SGCZ: variants seen among roughly 807,000 people sequenced by gnomAD.
The protein encoded by SGCZ is zeta-sarcoglycan.
Under a neutral mutation model 41.3 loss-of-function variants are expected in SGCZ, and 40 were observed. The observed-to-expected ratio is 0.97, with a 90% CI of 0.75 to 1.26. The LOEUF is 1.26. Among genes scored for constraint, SGCZ ranks in the 50% most tolerant of loss-of-function variants. SGCZ has a pLI of 0.00. For synonymous variants in SGCZ, 206 were observed against 137.5 expected, an observed-to-expected ratio of 1.50 and a Z score of -3.49; for missense variants, 552 against 369.8, an observed-to-expected ratio of 1.49 and a Z score of -4.04.
intron 3 of SGCZ, among the ~76,000 whole-genome samples, chr8:14,302,300 T>A (rs545963195): frequency 3.9e-5 from 6 of 152,346 alleles, no homozygotes; most frequent in African/African-American, 1.4e-4. Context: ...TTGAATTGAT[T>A]GAACACGTAA....
At chr8:14,276,376 G>A (rs1164246253) in intron 3 of SGCZ, among the ~76,000 whole-genome samples, 3 of 152,130 alleles carry the variant, frequency 2.0e-5, no homozygotes, top group Non-Finnish European at 4.4e-5. Context: ...GACTGAAACA[G>A]AGCAGACATT....
rs77570677 is a variant in SGCZ at position 14,894,710 on chromosome 8, T to C, written c.40-339784A>G. ...GTCAAATGAAATAAAAGCTTTGTTG[T>C]CTTTAGAAACTACTTCAGGTAAAAA... On this transcript the variant is annotated intron_variant, in intron 1 of 7. Coordinates refer to ENST00000382080, the MANE Select transcript of SGCZ (RefSeq NM_139167.4). Among the ~76,000 whole-genome samples the C allele has an allele frequency of 2.6e-3, 389 of 152,322 alleles. 2 individuals are homozygous for C. Among genetic ancestry groups the C allele is most frequent in the African/African-American group, 9.0e-3 (373 of 41,586 alleles).
intron 1 of SGCZ, among the ~76,000 whole-genome samples, chr8:14,646,527 A>G (rs73188140): frequency 6.6e-6 from 1 of 151,880 alleles, no homozygotes; most frequent in African/African-American, 2.4e-5. Flanking sequence ...ACATACAAGA[A>G]CATGTCTCCT....
At chr8:14,542,607 A>C (rs1803503982) in intron 2 of SGCZ, among the ~76,000 whole-genome samples, 1 of 152,128 alleles carries the variant, frequency 6.6e-6, no homozygotes, top group South Asian at 2.1e-4. Context: ...AACTAGGGGC[A>C]GTAAGGAAAT....
intron 1 of SGCZ, among the ~76,000 whole-genome samples, chr8:15,009,875 T>C (rs1182927342): frequency 6.6e-6 from 1 of 152,220 alleles, no homozygotes; most frequent in Non-Finnish European, 1.5e-5. Flanking sequence ...ATTTCCTCTG[T>C]AGCAAATTTA....
At chr8:14,172,664 T>A (rs2117003460) in intron 4 of SGCZ, among the ~76,000 whole-genome samples, 1 of 152,152 alleles carries the variant, frequency 6.6e-6, no homozygotes, top group East Asian at 1.9e-4. Context: ...CCACATTCAT[T>A]ACATCGTTTT....
At chr8:14,238,344 G>A (rs762350486) in intron 3 of SGCZ, among the ~76,000 whole-genome samples, 1 of 152,112 alleles carries the variant, frequency 6.6e-6, no homozygotes, top group East Asian at 1.9e-4. Flanking sequence ...ATGAAGTGTT[G>A]ACTGAGTAGA....
At chr8:15,014,676 T>G (rs1476561156) in intron 1 of SGCZ, among the ~76,000 whole-genome samples, 1 of 152,182 alleles carries the variant, frequency 6.6e-6, no homozygotes, top group Admixed American at 6.5e-5. Context: ...GAGAGCCATA[T>G]GGCTAGTCCT....
At chr8:14,425,168 G>C (rs1264503634) in intron 2 of SGCZ, among the ~76,000 whole-genome samples, 1 of 151,974 alleles carries the variant, frequency 6.6e-6, no homozygotes, top group African/African-American at 2.4e-5. Flanking sequence ...AGCACTCCAG[G>C]GTTTCATGAA....
chr8:15,061,506 A>G (rs1804928586), intron 1 of SGCZ, among the ~76,000 whole-genome samples: 1 of 150,800 alleles, frequency 6.6e-6, no homozygotes, highest in Non-Finnish European at 1.5e-5. Context: ...CGTTCTGCAC[A>G]TGTATCCCAG....
At chr8:14,164,409 T>TAAAACC (rs376535071) in intron 5 of SGCZ, among the ~76,000 whole-genome samples, 171 bp downstream of exon 5, 104 of 152,310 alleles carry the variant, frequency 6.8e-4, no homozygotes, top group African/African-American at 2.4e-3. Context: ...CATTCTTTTC[T>TAAAACC]ACAACCACAA....
chr8:14,280,435 G>T (rs1360640547), intron 3 of SGCZ, among the ~76,000 whole-genome samples: 1 of 151,650 alleles, frequency 6.6e-6, no homozygotes, highest in African/African-American at 2.4e-5. Context: ...CCTTTTAAAA[G>T]GAAGAAATAT....
chr8:14,367,487 C>T (rs1309288669), intron 2 of SGCZ, among the ~76,000 whole-genome samples: 1 of 151,972 alleles, frequency 6.6e-6, no homozygotes, highest in East Asian at 1.9e-4. Context: ...CTCTTGCTGC[C>T]ATGAAGAATA....
At chr8:15,070,899 G>A (rs1163003000) in intron 1 of SGCZ, among the ~76,000 whole-genome samples, 1 of 152,126 alleles carries the variant, frequency 6.6e-6, no homozygotes, top group African/African-American at 2.4e-5. Context: ...CACTTAGCCA[G>A]AAGTCCTCAG....
At chr8:14,801,059 ATGAC>A (rs1801306068) in intron 1 of SGCZ, among the ~76,000 whole-genome samples, 1 of 152,226 alleles carries the variant, frequency 6.6e-6, no homozygotes, top group South Asian at 2.1e-4. Flanking sequence ...ATTATATTGA[ATGAC>A]TGATAAGTTA....
intron 1 of SGCZ, among the ~76,000 whole-genome samples, chr8:14,803,888 G>A (rs948537317): frequency 3.4e-5 from 3 of 88,272 alleles, no homozygotes; most frequent in African/African-American, 1.6e-4. Context: ...ATCTGAGAAC[G>A]GGCAGACTGC....
intron 1 of SGCZ, among the ~76,000 whole-genome samples, chr8:14,779,556 C>T (rs1356835422): frequency 6.6e-6 from 1 of 152,072 alleles, no homozygotes; most frequent in Admixed American, 6.6e-5. Flanking sequence ...TTGCTTTAAG[C>T]CACTACGTTT....
At chr8:15,168,908 G>A (rs187152298) in intron 1 of SGCZ, among the ~76,000 whole-genome samples, 1 of 152,328 alleles carries the variant, frequency 6.6e-6, no homozygotes, top group African/African-American at 2.4e-5. Flanking sequence ...TCAGCATGCT[G>A]GCAAAAGGCT....
At chr8:15,021,764 C>A (rs1803256923) in intron 1 of SGCZ, among the ~76,000 whole-genome samples, 2 of 152,114 alleles carry the variant, frequency 1.3e-5, no homozygotes, top group East Asian at 3.9e-4. Context: ...TTCTTTCTAG[C>A]CAAATGGTCT....
Sources: allele counts gnomAD v4.1 joint callset (sites outside exome capture counted in the v4.1 genomes callset), GRCh38; gene constraint gnomAD v4.1.1; transcripts MANE v1.5; gene names NCBI Gene and HGNC (gene_info 2026-07-23, HGNC 2026-07-21).